The following GALNT17 variants were observed in gnomAD, a reference collection of about 807,000 sequenced individuals.
The protein encoded by GALNT17 is polypeptide N-acetylgalactosaminyltransferase 17.
Under a neutral mutation model 63.7 loss-of-function variants are expected in GALNT17, and 29 were observed. The observed-to-expected ratio is 0.46, with a 90% confidence interval of 0.34 to 0.62. The LOEUF is 0.62. Among genes scored for constraint, GALNT17 ranks in the 20% least tolerant of loss-of-function variants. GALNT17 has a pLI of 0.01. For synonymous variants in GALNT17, 305 were observed against 318.3 expected, an observed-to-expected ratio of 0.96 and a Z score of 0.45; for missense variants, 603 against 799.6, an observed-to-expected ratio of 0.75 and a Z score of 2.97.
At chr7:71,238,157 A>G (rs574916342) in intron 1 of GALNT17, among the ~76,000 whole-genome samples, 4 of 152,190 alleles carry the variant, frequency 2.6e-5, no homozygotes, top group Non-Finnish European at 5.9e-5. Context: ...GGCAGAGGGC[A>G]GAGCAGCCAC....
intron 6 of GALNT17, among the ~76,000 whole-genome samples, chr7:71,575,920 AG>A (rs1417183825): frequency 6.6e-6 from 1 of 152,222 alleles, no homozygotes; most frequent in African/African-American, 2.4e-5. Flanking sequence ...TTTTTAAAAA[AG>A]CCAGAATTGA....
chr7:71,581,801 G>T (rs1477651380), intron 6 of GALNT17, among the ~76,000 whole-genome samples: 2 of 152,118 alleles, frequency 1.3e-5, no homozygotes, highest in South Asian at 2.1e-4. Flanking sequence ...TGAGTTTGAG[G>T]AGTAGCAGTT....
intron 1 of GALNT17, among the ~76,000 whole-genome samples, chr7:71,207,919 G>A (rs564072351): frequency 6.6e-6 from 1 of 151,836 alleles, no homozygotes; most frequent in Admixed American, 6.6e-5. Flanking sequence ...ACATGTGCCT[G>A]TAATTTTTTT....
intron 5 of GALNT17, among the ~76,000 whole-genome samples, chr7:71,460,946 C>G (rs1444942198): frequency 1.3e-5 from 2 of 152,128 alleles, no homozygotes; most frequent in Non-Finnish European, 2.9e-5. Flanking sequence ...GTCTTTATGA[C>G]CTGTATCTTG....
At chr7:71,144,980 G>A (rs1462975731) in intron 1 of GALNT17, among the ~76,000 whole-genome samples, 2 of 152,058 alleles carry the variant, frequency 1.3e-5, no homozygotes, top group Non-Finnish European at 2.9e-5. Context: ...TGCCCACCTT[G>A]GCCTCCCAAA....
At chr7:71,199,679 ATC>A (rs1289578886) in intron 1 of GALNT17, among the ~76,000 whole-genome samples, 133 of 85,612 alleles carry the variant, frequency 1.6e-3, no homozygotes, top group Non-Finnish European at 2.1e-3. Flanking sequence ...CCACCCATCC[ATC>A]CATCCATCCA....
intron 3 of GALNT17, among the ~76,000 whole-genome samples, chr7:71,396,075 A>G (rs1250195708): frequency 6.6e-6 from 1 of 152,128 alleles, no homozygotes; most frequent in African/African-American, 2.4e-5. Context: ...GTCTTTTCAC[A>G]TTCTTGATAA....
At chr7:71,544,386 C>T (rs1419017153) in intron 5 of GALNT17, among the ~76,000 whole-genome samples, 1 of 151,210 alleles carries the variant, frequency 6.6e-6, no homozygotes, top group Non-Finnish European at 1.5e-5. Context: ...TCGTGATCCA[C>T]CTGCCTCAGC....
At chr7:71,168,578 A>C (rs1788488242) in intron 1 of GALNT17, among the ~76,000 whole-genome samples, 1 of 152,158 alleles carries the variant, frequency 6.6e-6, no homozygotes. Context: ...TATCAAAAAA[A>C]AAAGAAAATT....
At chr7:71,138,866 T>C (rs1390353191) in intron 1 of GALNT17, among the ~76,000 whole-genome samples, 1 of 152,162 alleles carries the variant, frequency 6.6e-6, no homozygotes. Flanking sequence ...TCCCAGCTAC[T>C]CTGGAGGCTG....
chr7:71,509,054 T>C (rs1584013297), intron 5 of GALNT17, among the ~76,000 whole-genome samples: 1 of 152,286 alleles, frequency 6.6e-6, no homozygotes, highest in Non-Finnish European at 1.5e-5. Flanking sequence ...TGCCTTACGA[T>C]GGTTCGACTT....
Position 71,197,307 on chromosome 7 carries a change from C to T in GALNT17, c.238+64267C>T, listed in dbSNP as rs181834295. On this transcript the variant is annotated intron_variant, in intron 1 of 10. Coordinates refer to ENST00000333538, the MANE Select transcript of GALNT17 (RefSeq NM_022479.3). ...CTCCGCCTCCTGGTTTCACGCCATTCGCCTGCCACAGCCTCCTGAGTAGCT... is the reference window on the plus strand; with the variant it reads ...CTCCGCCTCCTGGTTTCACGCCATTTGCCTGCCACAGCCTCCTGAGTAGCT... Among the ~76,000 whole-genome samples, 102 of 148,250 alleles carry T rather than the reference C, an allele frequency of 6.9e-4. No individual in the cohort carries two copies. In the Middle Eastern group the frequency reaches 0.014, roughly 21 times the overall value.
At chr7:71,238,143 A>G (rs938049703) in intron 1 of GALNT17, among the ~76,000 whole-genome samples, 2 of 152,298 alleles carry the variant, frequency 1.3e-5, no homozygotes, top group Admixed American at 6.5e-5. Context: ...AGCACATTCC[A>G]TAAGGCAGAG....
chr7:71,548,121 A>G (rs1474298858), intron 5 of GALNT17, among the ~76,000 whole-genome samples: 1 of 152,012 alleles, frequency 6.6e-6, no homozygotes, highest in Non-Finnish European at 1.5e-5. Context: ...GTGCACCTGT[A>G]ATCCCAGCTA....
rs145214329 is a variant in GALNT17 at position 71,154,856 on chromosome 7, G to A, written c.238+21816G>A. On this transcript the variant is annotated intron_variant, in intron 1 of 10. Coordinates refer to ENST00000333538, the MANE Select transcript of GALNT17 (RefSeq NM_022479.3). ...CTCCCAAAGTGCTGGGATTACAGGC[G>A]TGAGCCACCGCGCCCGGCCACAATA... Among the ~76,000 whole-genome samples, 1,308 of 151,930 alleles carry A rather than the reference G, an allele frequency of 8.6e-3. 44 individuals are homozygous for A. The highest frequency in any genetic ancestry group is 0.03 in the African/African-American group (1,225 of 41,262).
chr7:71,251,424 C>G (rs909233100), intron 1 of GALNT17, among the ~76,000 whole-genome samples: 1 of 152,242 alleles, frequency 6.6e-6, no homozygotes. Flanking sequence ...TTCTCCTTTT[C>G]TTTTGAGACA....
intron 1 of GALNT17, among the ~76,000 whole-genome samples, chr7:71,308,656 A>G (rs1168703418): frequency 6.6e-6 from 1 of 152,094 alleles, no homozygotes; most frequent in African/African-American, 2.4e-5. Context: ...CATGGATGCA[A>G]TGAGAAAAGG....
chr7:71,680,859 T>TTTCCTTCC (rs71089976), intron 9 of GALNT17, among the ~76,000 whole-genome samples: 2 of 123,856 alleles, frequency 1.6e-5, no homozygotes, highest in African/African-American at 5.4e-5. Context: ...TCCTTTTTTC[T>TTTCCTTCC]TTCCTTCCTT....
intron 2 of GALNT17, among the ~76,000 whole-genome samples, chr7:71,377,714 G>A (rs1379533392): frequency 2.0e-5 from 3 of 152,162 alleles, no homozygotes; most frequent in Non-Finnish European, 4.4e-5. Context: ...TAGTCTCCAC[G>A]TGTTGAGGGA....
Sources: gnomAD v4.1 joint callset for allele counts (sites outside exome capture counted in the v4.1 genomes callset) on GRCh38, gnomAD v4.1.1 for gene constraint, MANE v1.5 for transcripts, NCBI Gene and HGNC (gene_info 2026-07-23, HGNC 2026-07-21) for gene names.